The following ALK variants were observed in gnomAD, a reference collection of about 807,000 sequenced individuals.
ALK encodes the protein ALK tyrosine kinase receptor.
ALK carries 74 observed loss-of-function variants against 163.1 expected under a neutral mutation model. The ratio of observed to expected loss-of-function variants is 0.45; its 90% CI spans 0.38 to 0.55. The LOEUF (loss-of-function observed/expected upper bound fraction) is 0.55, where lower values mean the gene tolerates loss of function less well. Among genes scored for constraint, ALK ranks in the 20% least tolerant of loss-of-function variants. The pLI is 0.00. For synonymous variants in ALK, 960 were observed against 843.2 expected, an observed-to-expected ratio of 1.14 and a Z score of -2.40; for missense variants, 2,063 against 2,105.3, an observed-to-expected ratio of 0.98 and a Z score of 0.39.
At chr2:29,856,429 C>T (rs1666139223) in intron 1 of ALK, among the ~76,000 whole-genome samples, 1 of 152,146 alleles carries the variant, frequency 6.6e-6, no homozygotes, top group African/African-American at 2.4e-5. Flanking sequence ...CTAATGTGTA[C>T]CAGGTATTTT....
chr2:29,543,408 G>A (rs1383578343), intron 3 of ALK, among the ~76,000 whole-genome samples: 2 of 152,228 alleles, frequency 1.3e-5, no homozygotes, highest in Admixed American at 6.5e-5. Context: ...CTGATGGACA[G>A]TTTCAGGAGC....
intron 2 of ALK, among the ~76,000 whole-genome samples, chr2:29,701,957 A>G (rs773750335): frequency 3.9e-5 from 6 of 152,056 alleles, no homozygotes; most frequent in Non-Finnish European, 8.8e-5. Flanking sequence ...GCCAATAGAA[A>G]AGGCAGCAGA....
At chr2:29,629,225 C>A (rs1676289269) in intron 3 of ALK, among the ~76,000 whole-genome samples, 2 of 152,090 alleles carry the variant, frequency 1.3e-5, no homozygotes, top group Admixed American at 1.3e-4. Context: ...AGGACCATTG[C>A]CTATTAACCA....
intron 7 of ALK, among the ~76,000 whole-genome samples, chr2:29,320,281 G>A (rs777078875): frequency 6.6e-6 from 1 of 152,168 alleles, no homozygotes; most frequent in South Asian, 2.1e-4. Flanking sequence ...GGGGATGGCT[G>A]GAGAGGCTGT....
intron 3 of ALK, among the ~76,000 whole-genome samples, chr2:29,614,369 C>G (rs928519937): frequency 6.6e-6 from 1 of 152,202 alleles, no homozygotes; most frequent in African/African-American, 2.4e-5. Context: ...TCACCTATTT[C>G]CAGTGCCTAG....
intron 4 of ALK, among the ~76,000 whole-genome samples, chr2:29,392,483 T>C (rs1053994531): frequency 1.3e-5 from 2 of 152,314 alleles, no homozygotes; most frequent in Admixed American, 6.5e-5. Flanking sequence ...CCTGTAGATA[T>C]TTTGGCCCCT....
intron 3 of ALK, among the ~76,000 whole-genome samples, chr2:29,684,446 T>C (rs1421966090): frequency 6.6e-6 from 1 of 152,166 alleles, no homozygotes; most frequent in Non-Finnish European, 1.5e-5. Context: ...ATAAACAGCT[T>C]AGCTGGTGGC....
chr2:29,363,919 T>C (rs555655775), intron 5 of ALK, among the ~76,000 whole-genome samples: 2 of 152,320 alleles, frequency 1.3e-5, no homozygotes, highest in South Asian at 4.1e-4. Context: ...TGAGGTGGCA[T>C]CCCCTTTTCT....
At chr2:29,574,996 C>T (rs567820664) in intron 3 of ALK, among the ~76,000 whole-genome samples, 9 of 152,266 alleles carry the variant, frequency 5.9e-5, no homozygotes, top group East Asian at 1.9e-4. Context: ...GCACAACCAG[C>T]GGCACTCCAG....
intron 8 of ALK, among the ~76,000 whole-genome samples, chr2:29,309,557 T>C (rs767539556): frequency 3.9e-5 from 6 of 152,184 alleles, no homozygotes; most frequent in Non-Finnish European, 8.8e-5. Context: ...GTCGACCACT[T>C]AACAGGCAGT....
chr2:29,484,200 A>G (rs1027378463), intron 4 of ALK, among the ~76,000 whole-genome samples: 21 of 152,306 alleles, frequency 1.4e-4, no homozygotes, highest in Non-Finnish European at 2.9e-4. Flanking sequence ...CATATCATAT[A>G]CTATTATTAT....
intron 5 of ALK, among the ~76,000 whole-genome samples, chr2:29,353,569 A>G (rs1668169635): frequency 6.6e-6 from 1 of 152,166 alleles, no homozygotes; most frequent in African/African-American, 2.4e-5. Context: ...GGGAATTTAC[A>G]AGGTGGTGTT....
intron 12 of ALK, among the ~76,000 whole-genome samples, chr2:29,250,609 T>C (rs970794146): frequency 1.3e-5 from 2 of 152,028 alleles, no homozygotes; most frequent in African/African-American, 4.8e-5. Flanking sequence ...CTGGCTCTGC[T>C]CTAAGGGAAT....
At chr2:29,707,184 TGAC>T (rs1393455735) in intron 2 of ALK, among the ~76,000 whole-genome samples, 2 of 152,192 alleles carry the variant, frequency 1.3e-5, no homozygotes, top group Non-Finnish European at 2.9e-5. Context: ...GTGGCATCCA[TGAC>T]AACAGGAGAA....
intron 4 of ALK, among the ~76,000 whole-genome samples, chr2:29,493,725 C>T (rs1671957210): frequency 6.6e-6 from 1 of 152,202 alleles, no homozygotes; most frequent in South Asian, 2.1e-4. Flanking sequence ...GCAGCAAGCA[C>T]ATAGGTGTGC....
chr2:29,505,193 G>T (rs911834187), intron 4 of ALK, among the ~76,000 whole-genome samples: 1 of 152,212 alleles, frequency 6.6e-6, no homozygotes, highest in Non-Finnish European at 1.5e-5. Context: ...TGGGTTCTCA[G>T]GTGAGAAGGC....
chr2:29,493,315 G>A (rs115952779), intron 4 of ALK, among the ~76,000 whole-genome samples: 1,561 of 152,122 alleles, frequency 0.01, 27 homozygotes, highest in African/African-American at 0.036. Context: ...TAATTACTCC[G>A]CTGTTTCAGG....
At chr2:29,910,783 C>G (rs765025428) in intron 1 of ALK, among the ~76,000 whole-genome samples, 1 of 152,058 alleles carries the variant, frequency 6.6e-6, no homozygotes, top group Non-Finnish European at 1.5e-5. Context: ...TCACTTTCAG[C>G]AAACAAAAGC....
intron 1 of ALK, among the ~76,000 whole-genome samples, chr2:29,852,538 A>G (rs6707371): frequency 0.41 from 62,413 of 151,994 alleles, 14,543 homozygotes; most frequent in East Asian, 0.78. Flanking sequence ...GGAATTGGAT[A>G]AGCAGCCTGC....
Sources: gnomAD v4.1 joint callset for allele counts (sites outside exome capture counted in the v4.1 genomes callset) on GRCh38, gnomAD v4.1.1 for gene constraint, MANE v1.5 for transcripts, NCBI Gene and HGNC (gene_info 2026-07-23, HGNC 2026-07-21) for gene names.